The following NAIP variants were observed in gnomAD, a reference collection of about 807,000 sequenced individuals.
The protein encoded by NAIP is NLR family apoptosis inhibitory protein, also known as baculoviral IAP repeat-containing protein 1.
NAIP carries 15 observed loss-of-function variants against 23.0 expected under a neutral mutation model. That is an observed-to-expected ratio of 0.65 (90% CI 0.44 to 1.00). The LOEUF (loss-of-function observed/expected upper bound fraction) is 1.00, where lower values mean the gene tolerates loss of function less well. Among genes scored for constraint, NAIP ranks in the 50% least tolerant of loss-of-function variants. The probability of loss-of-function intolerance (pLI) is 0.00; values close to 1 mark genes in which losing one functional copy is unlikely to be tolerated. For synonymous variants in NAIP, 100 were observed against 100.2 expected (o/e 1.00, Z 0.01); for missense variants, 265 against 278.8 (o/e 0.95, Z 0.35).
At position 71,011,280 on chromosome 5, in the gene NAIP, G is replaced by A. The variant is rs147075777; in HGVS notation, c.663C>T (p.Phe221=). 193 of 1,581,492 alleles carry A rather than the reference G, an allele frequency of 1.2e-4. 5 individuals carry two copies. Among genetic ancestry groups the A allele is most frequent in the Non-Finnish European group, 1.6e-4 (192 of 1,164,812 alleles). Residue 221 remains phenylalanine (F), a synonymous_variant, in exon 5 of 17, where the codon TTC becomes TTT. Transcript: ENST00000517649. ...DDPWKEHAKW[F]PKCEFLRSKK... is the part of the protein sequence containing the mutation. ...AGCAAAAATTATCTACTTACTTGGG[G>A]AACCATTTGGCATGTTCCTTCCAAG... is the stretch of plus-strand genomic sequence containing the variant.
rs1156527038 is a variant in NAIP at position 70,969,933 on chromosome 5, GTGTTT to G, written c.*166_*170del. Reference sequence around the variant, plus strand: ...AGCTTGGTGGTGAGTATGCAGGACTGTGTTTTGTTTTGTTTTGTTTTTTAGCAAGC... The same window carrying G: ...AGCTTGGTGGTGAGTATGCAGGACTGTGTTTTGTTTTGTTTTTTAGCAAGC... On this transcript the variant is annotated 3_prime_UTR_variant, in exon 17 of 17. Coordinates refer to ENST00000517649, the MANE Select transcript of NAIP (RefSeq NM_004536.3). 7.1e-5 allele frequency: 27 copies of G among 382,174 alleles called. No homozygotes were observed. The highest frequency in any genetic ancestry group is 1.3e-4 in the African/African-American group (6 of 46,958). The allele number at this position is 382,174 out of a possible 1,614,324, so 23.7% of individuals were successfully genotyped here.
chr5:71,010,604 G>T (rs190580953), intron 5 of NAIP, among the ~76,000 whole-genome samples: 1 of 151,032 alleles, frequency 6.6e-6, no homozygotes, highest in East Asian at 2.0e-4. Flanking sequence ...GTCTCTACAT[G>T]CCAGGCTGGT....
intron 8 of NAIP, among the ~76,000 whole-genome samples, chr5:71,000,514 TCTGA>T (rs1292684483): frequency 1.7e-5 from 2 of 118,842 alleles, no homozygotes; most frequent in East Asian, 2.4e-4. Flanking sequence ...GGTATGGTCA[TCTGA>T]CTAATAATAA....
rs374297801 is a variant in NAIP at position 71,011,387 on chromosome 5, G to A, written c.569-13C>T. ...GTGTCCTGTTTACCTATATATGAAG[G>A]AAAATATTTAGATTGCCTGGCAGTG... On this transcript the variant is annotated splice_polypyrimidine_tract_variant and intron_variant, in intron 4 of 16. Transcript: ENST00000517649. The A allele has an allele frequency of 7.9e-5, 124 of 1,573,104 alleles. 2 individuals carry two copies. Among genetic ancestry groups the A allele is most frequent in the Middle Eastern group, 6.7e-4 (4 of 5,986 alleles).
rs1475049309 is a variant in NAIP at position 71,012,827 on chromosome 5, T to C, written c.89A>G (p.Asp30Gly). The C allele has an allele frequency of 1.2e-6, 2 of 1,611,954 alleles. No individual in the cohort carries two copies. Among genetic ancestry groups the C allele is most frequent in the Admixed American group, 1.7e-5 (1 of 59,896 alleles). The change falls in exon 4 of 17, where the codon GAT (aspartate) becomes GGT (glycine). Residue 30 changes from aspartate to glycine, a missense_variant. Asp to Gly is a moderately conservative substitution (Grantham distance 94). Transcript: ENST00000517649. ...TAGTTCCTTTGCCAACTGAACTGCA[T>C]CTAGGCCCAGAAGAGCAGACAGCTC... ...LPELSALLGL[D>G]AVQLAKELEE... is the part of the protein sequence containing the mutation.
At chr5:70,977,966 AG>A (rs1750350740) in intron 13 of NAIP, among the ~76,000 whole-genome samples, 1 of 128,054 alleles carries the variant, frequency 7.8e-6, no homozygotes, top group African/African-American at 2.6e-5. Flanking sequence ...ACTGCACTCC[AG>A]CCTGGGTGAC....
At position 70,978,149 on chromosome 5, in the gene NAIP, A is replaced by AT. The variant is rs71223138; in HGVS notation, c.3443-1092dup. ...CACACACATATATATATATATATAT[A>AT]TTTTTTTTTTTTTTTTTTTTGAGAC... is the stretch of plus-strand genomic sequence containing the variant. On this transcript the variant is annotated intron_variant, in intron 13 of 16. Transcript: ENST00000517649. Among the ~76,000 whole-genome samples, 15 of 24,324 alleles carry AT rather than the reference A, an allele frequency of 6.2e-4. 1 individual carries two copies. The South Asian group carries it at 0.021, about 35-fold the overall frequency. 16.0% of individuals were successfully genotyped at this position (24,324 alleles called of 152,430 possible).
chr5:70,977,665 C>CA (rs1219760084), intron 13 of NAIP, among the ~76,000 whole-genome samples: 1,242 of 77,586 alleles, frequency 0.016, 29 homozygotes, highest in African/African-American at 0.059. Context: ...ACTGCATCTC[C>CA]AAAAAAAAAA....
At chr5:71,010,173 T>G (rs1751081272) in intron 5 of NAIP, among the ~76,000 whole-genome samples, 1 of 151,572 alleles carries the variant, frequency 6.6e-6, no homozygotes, top group Non-Finnish European at 1.5e-5. Flanking sequence ...AGTGGCTTGA[T>G]CACGGCTCAA....
At chr5:71,009,372 AAAAAAAG>A (rs1751036444) in intron 5 of NAIP, among the ~76,000 whole-genome samples, 1 of 149,080 alleles carries the variant, frequency 6.7e-6, no homozygotes, top group African/African-American at 2.5e-5. Context: ...CAAAAAAAAA[AAAAAAAG>A]AAAAGAAAGA....
At chr5:71,015,483 G>A (rs1356994432) in intron 3 of NAIP, among the ~76,000 whole-genome samples, 2 of 124,914 alleles carry the variant, frequency 1.6e-5, no homozygotes, top group Non-Finnish European at 3.4e-5. Flanking sequence ...ATAATCCATC[G>A]GGAGCAGTGG....
chr5:71,008,801 C>CAAAAAAAAAAAA (rs1187402726), intron 5 of NAIP, among the ~76,000 whole-genome samples: 1 of 84,164 alleles, frequency 1.2e-5, no homozygotes. Flanking sequence ...GAGACTGTCA[C>CAAAAAAAAAAAA]AAAAAAAAAA....
intron 4 of NAIP, chr5:71,011,789 G>T: frequency 2.2e-6 from 1 of 444,890 alleles, no homozygotes; most frequent in South Asian, 1.7e-5. Context: ...GAACTCAGCT[G>T]TGAAATGGGA....
intron 4 of NAIP, chr5:71,011,595 C>G: frequency 1.8e-6 from 1 of 550,434 alleles, no homozygotes; most frequent in East Asian, 3.1e-5. Context: ...ACTCAATATC[C>G]TGCCCCAGCT....
intron 3 of NAIP, among the ~76,000 whole-genome samples, chr5:71,014,495 T>C (rs1239094027): frequency 6.6e-6 from 1 of 151,642 alleles, no homozygotes; most frequent in Non-Finnish European, 1.5e-5. Context: ...AAGCCTTGCA[T>C]TTTAGCCAGT....
At chr5:70,973,283 A>ATT (rs1750252142) in intron 16 of NAIP, among the ~76,000 whole-genome samples, 1 of 120,802 alleles carries the variant, frequency 8.3e-6, no homozygotes, top group Non-Finnish European at 1.7e-5. Context: ...AGCCTCTCCA[A>ATT]TTGGGCTTTT....
chr5:71,011,224 C>T (rs752092851), intron 5 of NAIP, 51 bp downstream of exon 5: 5 of 1,418,262 alleles, frequency 3.5e-6, no homozygotes, highest in East Asian at 2.3e-5. Flanking sequence ...CAGAGCAAGA[C>T]TGTCTCAAAA....
At chr5:70,977,205 T>TGGGTTC (rs1750283913) in intron 13 of NAIP, 147 bp from the exon 14 acceptor site, 1 of 476,316 alleles carries the variant, frequency 2.1e-6, no homozygotes, top group Admixed American at 3.5e-5. Context: ...TCACTGGGCT[T>TGGGTTC]GGGTTCAGGT....
At chr5:71,016,168 C>T (rs1458365318) in intron 3 of NAIP, among the ~76,000 whole-genome samples, 1 of 150,342 alleles carries the variant, frequency 6.7e-6, no homozygotes, top group African/African-American at 2.4e-5. Flanking sequence ...GTGGCATGTG[C>T]CTGTAGTCCT....
Sources: gnomAD v4.1 joint callset for allele counts (sites outside exome capture counted in the v4.1 genomes callset) on GRCh38, gnomAD v4.1.1 for gene constraint, MANE v1.5 for transcripts, NCBI Gene and HGNC (gene_info 2026-07-23, HGNC 2026-07-21) for gene names.